The following BBX variants were observed in gnomAD, a reference collection of about 807,000 sequenced individuals.
BBX encodes BBX high mobility group box domain containing.
Under a neutral mutation model 100.2 loss-of-function variants are expected in BBX, and 30 were observed. The ratio of observed to expected loss-of-function variants is 0.30; its 90% confidence interval spans 0.22 to 0.41. BBX has a LOEUF of 0.41. Among genes scored for constraint, BBX ranks in the 10% least tolerant of loss-of-function variants. The pLI is 1.00. For missense variants in BBX, 1,023 were observed against 1,129.8 expected, an observed-to-expected ratio of 0.91 and a Z score of 1.35; for synonymous variants, 376 against 388.1, an observed-to-expected ratio of 0.97 and a Z score of 0.37.
rs1264233798 is a variant in BBX at position 107,807,225 on chromosome 3, G to GT, written c.*1769dup. 6.6e-6 allele frequency: 1 copy of GT among 152,018 alleles called. No individual in the cohort carries two copies. The highest frequency in any genetic ancestry group is 1.5e-5 in the Non-Finnish European group (1 of 67,986). 9.4% of individuals were successfully genotyped at this position (152,018 alleles called of 1,614,324 possible). ...TTTTTTTCCAAAGCAGGTAAAGAGG[G>GT]TAGCAAAGCATCGGAATGATGTGCT... On this transcript the variant is annotated 3_prime_UTR_variant, in exon 18 of 18. Coordinates refer to ENST00000325805, the MANE Select transcript of BBX (RefSeq NM_001142568.3).
At chr3:107,718,555 G>T (rs1576485614) in intron 5 of BBX, among the ~76,000 whole-genome samples, 1 of 151,898 alleles carries the variant, frequency 6.6e-6, no homozygotes, top group East Asian at 1.9e-4. Context: ...ATAGGGAAAT[G>T]CATAAGCTTC....
At chr3:107,654,601 T>C (rs987605559) in intron 3 of BBX, among the ~76,000 whole-genome samples, 3 of 152,206 alleles carry the variant, frequency 2.0e-5, no homozygotes, top group Non-Finnish European at 4.4e-5. Flanking sequence ...ATTCCTGATA[T>C]TAATATGGGT....
chr3:107,704,219 A>G (rs1310071426), intron 3 of BBX, among the ~76,000 whole-genome samples: 3 of 152,242 alleles, frequency 2.0e-5, no homozygotes, highest in Non-Finnish European at 4.4e-5. Flanking sequence ...TGTTAGTTGC[A>G]TATCAGAATT....
chr3:107,543,104 TCA>T (rs1295756684), intron 2 of BBX, among the ~76,000 whole-genome samples: 5 of 152,194 alleles, frequency 3.3e-5, no homozygotes, highest in African/African-American at 1.2e-4. Flanking sequence ...GAACATCATG[TCA>T]CAATATAAAA....
At chr3:107,592,765 A>G (rs796175311) in intron 2 of BBX, among the ~76,000 whole-genome samples, 10 of 152,284 alleles carry the variant, frequency 6.6e-5, no homozygotes, top group African/African-American at 2.4e-4. Flanking sequence ...TTTCAGGAAT[A>G]TTATAATAGG....
At chr3:107,761,975 G>A (rs1004651091) in intron 10 of BBX, among the ~76,000 whole-genome samples, 1 of 152,084 alleles carries the variant, frequency 6.6e-6, no homozygotes, top group African/African-American at 2.4e-5. Context: ...TCCCACCTCA[G>A]CTCCTCCTAC....
At chr3:107,763,592 T>C (rs955030291) in intron 10 of BBX, among the ~76,000 whole-genome samples, 5 of 152,142 alleles carry the variant, frequency 3.3e-5, no homozygotes, top group Non-Finnish European at 7.4e-5. Flanking sequence ...AGTGTGACAG[T>C]CCCCCTGAAC....
chr3:107,788,341 G>A (rs2107913595), intron 13 of BBX, among the ~76,000 whole-genome samples: 1 of 152,302 alleles, frequency 6.6e-6, no homozygotes, highest in East Asian at 1.9e-4. Flanking sequence ...TCAAGGCAGA[G>A]GGTGTGGCTC....
rs1055119062 is a variant in BBX, at chr3:107,805,822, A to G, written c.*365A>G. ...AGAGAGTGTGAAACTAGTTTCATAT[A>G]TTACCTAGTTATTCTTTCAAAACAA... On this transcript the variant is annotated 3_prime_UTR_variant, in exon 18 of 18. Transcript: ENST00000325805. 3.7e-6 allele frequency: 1 copy of G among 267,014 alleles called. No individual in the cohort carries two copies. The highest frequency in any genetic ancestry group is 1.1e-3 in the Middle Eastern group (1 of 872). 16.5% of individuals were successfully genotyped at this position (267,014 alleles called of 1,614,324 possible). A position where few individuals can be genotyped will look rare whatever the true frequency, so the allele number is the denominator to read the frequency against.
intron 15 of BBX, among the ~76,000 whole-genome samples, chr3:107,794,257 AG>A (rs2107968387): frequency 6.6e-6 from 1 of 152,240 alleles, no homozygotes; most frequent in African/African-American, 2.4e-5. Flanking sequence ...TGAATTAAGG[AG>A]GGTTTATCAG....
At chr3:107,631,421 G>T (rs2056541170) in intron 2 of BBX, among the ~76,000 whole-genome samples, 1 of 152,150 alleles carries the variant, frequency 6.6e-6, no homozygotes, top group African/African-American at 2.4e-5. Flanking sequence ...AAAGTGTCAA[G>T]TAAGTCTCCC....
chr3:107,798,617 A>G lies in BBX; in HGVS notation c.2448A>G (p.Gln816=). ...ACACTCCAGAGCCAACAACAACGCAAGAACCTTTGGTGGGCAGCCAAAAGA... is the reference window on the plus strand; with the variant it reads ...ACACTCCAGAGCCAACAACAACGCAGGAACCTTTGGTGGGCAGCCAAAAGA... ...IFNTPEPTTT[Q]EPLVGSQKRK... is the part of the protein sequence containing the mutation. Residue 816 remains glutamine (Q), a synonymous_variant, in exon 16 of 18, where the codon CAA becomes CAG. Coordinates refer to ENST00000325805, the MANE Select transcript of BBX (RefSeq NM_001142568.3). 4 of 1,614,184 alleles carry G rather than the reference A, an allele frequency of 2.5e-6. No homozygotes were observed. The highest frequency in any genetic ancestry group is 1.1e-5 in the South Asian group (1 of 91,090).
chr3:107,714,871 C>T (rs1030895608), intron 4 of BBX, among the ~76,000 whole-genome samples: 4 of 152,020 alleles, frequency 2.6e-5, no homozygotes, highest in Non-Finnish European at 5.9e-5. Flanking sequence ...CTGCAACCTC[C>T]GCCTCCTGGG....
chr3:107,578,922 G>A (rs2052040409), intron 2 of BBX, among the ~76,000 whole-genome samples: 1 of 152,134 alleles, frequency 6.6e-6, no homozygotes, highest in African/African-American at 2.4e-5. Context: ...CCTGATTGGG[G>A]TGAGTTATTC....
At chr3:107,617,379 C>A (rs2055373763) in intron 2 of BBX, among the ~76,000 whole-genome samples, 1 of 152,158 alleles carries the variant, frequency 6.6e-6, no homozygotes, top group Non-Finnish European at 1.5e-5. Context: ...AGTTCCTTTG[C>A]ATTTCCATGT....
chr3:107,686,616 TA>T (rs1049552659), intron 3 of BBX, among the ~76,000 whole-genome samples: 1 of 152,198 alleles, frequency 6.6e-6, no homozygotes, highest in African/African-American at 2.4e-5. Context: ...TAGTCATGTC[TA>T]GGGGCACTTG....
intron 3 of BBX, among the ~76,000 whole-genome samples, chr3:107,668,075 G>A (rs565371322): frequency 4.5e-4 from 69 of 152,218 alleles, no homozygotes; most frequent in African/African-American, 1.7e-3. Flanking sequence ...AAAAACAATG[G>A]AACAGAAAGT....
Position 107,716,856 on chromosome 3 carries a change from T to G in BBX, c.405+7T>G. 1 of 1,612,452 alleles carries G rather than the reference T, an allele frequency of 6.2e-7. No individual in the cohort carries two copies. The highest frequency in any genetic ancestry group is 8.5e-7 in the Non-Finnish European group (1 of 1,178,758). On this transcript the variant is annotated splice_region_variant and intron_variant, in intron 5 of 17. Transcript: ENST00000325805. ...CACAGACATGGCCAAGGAGGTAGGT[T>G]ACAATGACAAGGTATTCTGATAGCT... is the stretch of plus-strand genomic sequence containing the variant.
chr3:107,534,993 T>C (rs1320731447), intron 2 of BBX, among the ~76,000 whole-genome samples: 2 of 152,176 alleles, frequency 1.3e-5, no homozygotes, highest in African/African-American at 4.8e-5. Context: ...AGTTTTGTTT[T>C]TATTACTTTA....
Sources: gnomAD v4.1 joint callset for allele counts (sites outside exome capture counted in the v4.1 genomes callset) on GRCh38, gnomAD v4.1.1 for gene constraint, MANE v1.5 for transcripts, NCBI Gene and HGNC (gene_info 2026-07-23, HGNC 2026-07-21) for gene names.